The following GALK2 variants were observed in gnomAD, a reference collection of about 807,000 sequenced individuals.
The protein encoded by GALK2 is galactokinase 2.
In GALK2, 36 loss-of-function variants were observed where a neutral mutation model predicts 52.4. The ratio of observed to expected loss-of-function variants is 0.69; its 90% CI spans 0.53 to 0.91. The LOEUF (loss-of-function observed/expected upper bound fraction) is 0.91, where lower values mean the gene tolerates loss of function less well. Among genes scored for constraint, GALK2 ranks in the 40% least tolerant of loss-of-function variants. The pLI, the probability that GALK2 is intolerant of heterozygous loss-of-function variation, is 0.00. For synonymous variants in GALK2, 176 were observed against 199.1 expected, an observed-to-expected ratio of 0.88 and a Z score of 0.98; for missense variants, 579 against 559.1, an observed-to-expected ratio of 1.04 and a Z score of -0.36.
chr15:49,339,471 T>C (rs1406052111), intron 3 of GALK2, among the ~76,000 whole-genome samples: 1 of 152,176 alleles, frequency 6.6e-6, no homozygotes, highest in South Asian at 2.1e-4. Flanking sequence ...ACAGTAAAGA[T>C]TGCTGCCTGT....
At chr15:49,363,254 A>G (rs1293656413) in intron 3 of GALK2, among the ~76,000 whole-genome samples, 1 of 152,172 alleles carries the variant, frequency 6.6e-6, no homozygotes, top group Admixed American at 6.5e-5. Context: ...TATATCCACA[A>G]TCATTGAATG....
At chr15:49,194,075 C>G (rs1174409827) in intron 1 of GALK2, 1 of 152,180 alleles carries the variant, frequency 6.6e-6, no homozygotes, top group Non-Finnish European at 1.5e-5. Flanking sequence ...TGCCTGTAAT[C>G]CCAGCACTTT....
chr15:49,188,099 G>A (rs774848146), intron 1 of GALK2, among the ~76,000 whole-genome samples: 6 of 152,186 alleles, frequency 3.9e-5, no homozygotes, highest in Admixed American at 2.0e-4. Context: ...TTCAAGGTCT[G>A]ACAGCTCTTT....
At chr15:49,322,186 T>C (rs2036931558) in intron 9 of GALK2, among the ~76,000 whole-genome samples, 1 of 152,252 alleles carries the variant, frequency 6.6e-6, no homozygotes, top group Admixed American at 6.5e-5. Context: ...CCTTTCTTAA[T>C]GGCAGCTAAA....
downstream of GALK2, among the ~76,000 whole-genome samples, chr15:49,333,445 A>G (rs927861222): frequency 1.3e-5 from 2 of 151,892 alleles, no homozygotes; most frequent in African/African-American, 4.8e-5. Context: ...GAATTGTCCT[A>G]CATTCTTCTG....
chr15:49,281,965 A>T, intron 5 of GALK2, 22 bp from the exon 6 acceptor site: 2 of 1,573,430 alleles, frequency 1.3e-6, no homozygotes, highest in Non-Finnish European at 1.7e-6. Flanking sequence ...CTCACAGTAC[A>T]AATCAGTTTT....
chr15:49,163,023 T>A (rs1397118687), intron 1 of GALK2, among the ~76,000 whole-genome samples: 2 of 152,208 alleles, frequency 1.3e-5, no homozygotes, highest in African/African-American at 4.8e-5. Context: ...AATGGTTGGG[T>A]CATATGGTAG....
At chr15:49,257,363 T>C (rs1315904660) in intron 5 of GALK2, among the ~76,000 whole-genome samples, 3 of 152,066 alleles carry the variant, frequency 2.0e-5, no homozygotes, top group African/African-American at 7.2e-5. Flanking sequence ...GATGAAGGAG[T>C]TATTACACAG....
At chr15:49,255,460 G>C (rs890010939) in intron 5 of GALK2, among the ~76,000 whole-genome samples, 2 of 142,092 alleles carry the variant, frequency 1.4e-5, no homozygotes, top group East Asian at 3.9e-4. Flanking sequence ...CAATTTTGAA[G>C]CGTCCAGGCC....
intron 1 of GALK2, 103 bp from the exon 2 acceptor site, chr15:49,201,058 GT>G: frequency 5.8e-6 from 3 of 517,192 alleles, no homozygotes; most frequent in Non-Finnish European, 1.1e-5. Context: ...TATGGAGTGT[GT>G]GTGTGTGTGT....
At chr15:49,347,811 G>C (rs566487887) in intron 3 of GALK2, among the ~76,000 whole-genome samples, 1 of 152,212 alleles carries the variant, frequency 6.6e-6, no homozygotes, top group African/African-American at 2.4e-5. Context: ...CTGAGGTCAG[G>C]AGTTCAAGAC....
chr15:49,213,489 T>G (rs1163086997), intron 2 of GALK2, among the ~76,000 whole-genome samples: 1 of 152,172 alleles, frequency 6.6e-6, no homozygotes, highest in Non-Finnish European at 1.5e-5. Context: ...TAGCTATTTG[T>G]CCTAATGCTC....
intron 3 of GALK2, among the ~76,000 whole-genome samples, chr15:49,352,798 C>A (rs575858010): frequency 1.3e-5 from 2 of 152,146 alleles, no homozygotes; most frequent in East Asian, 3.9e-4. Context: ...TACCCAATCC[C>A]AAGCAGTTCC....
intron 9 of GALK2, among the ~76,000 whole-genome samples, chr15:49,320,561 T>C (rs968228583): frequency 3.3e-5 from 5 of 152,208 alleles, no homozygotes; most frequent in African/African-American, 1.2e-4. Context: ...GAGAACACAA[T>C]GCTACACTAC....
chr15:49,246,847 G>A (rs2141546482), intron 5 of GALK2, among the ~76,000 whole-genome samples: 1 of 152,270 alleles, frequency 6.6e-6, no homozygotes, highest in Non-Finnish European at 1.5e-5. Flanking sequence ...CAGTGATTCA[G>A]TGGCATTTGT....
At chr15:49,267,871 A>T (rs942621246) in intron 5 of GALK2, among the ~76,000 whole-genome samples, 2 of 152,228 alleles carry the variant, frequency 1.3e-5, no homozygotes, top group Non-Finnish European at 2.9e-5. Flanking sequence ...GCACATAAAC[A>T]TATAAAGAAG....
intron 7 of GALK2, among the ~76,000 whole-genome samples, chr15:49,286,440 C>T (rs1670833175): frequency 6.6e-6 from 1 of 152,186 alleles, no homozygotes. Context: ...TCCCTTGTTA[C>T]TGACTTAGCA....
chr15:49,273,547 AT>A (rs1408447711), intron 5 of GALK2, among the ~76,000 whole-genome samples: 1 of 151,992 alleles, frequency 6.6e-6, no homozygotes. Flanking sequence ...TGAAAAAAAA[AT>A]ATTAGAACAG....
intron 2 of GALK2, among the ~76,000 whole-genome samples, chr15:49,213,944 C>T (rs1472641425): frequency 6.6e-6 from 1 of 151,844 alleles, no homozygotes; most frequent in East Asian, 1.9e-4. Context: ...GGTGAAACCC[C>T]ATCTCTACTA....
Sources: gnomAD v4.1 joint callset for allele counts (sites outside exome capture counted in the v4.1 genomes callset) on GRCh38, gnomAD v4.1.1 for gene constraint, MANE v1.5 for transcripts, NCBI Gene and HGNC (gene_info 2026-07-23, HGNC 2026-07-21) for gene names.